B3GNT2: variants seen among roughly 807,000 people sequenced by gnomAD.
B3GNT2 encodes UDP-GlcNAc:betaGal beta-1,3-N-acetylglucosaminyltransferase 2.
B3GNT2 carries 12 observed loss-of-function variants against 27.6 expected under a neutral mutation model. That is an observed-to-expected ratio of 0.44 (90% CI 0.28 to 0.71). B3GNT2 has a LOEUF of 0.71. Among genes scored for constraint, B3GNT2 ranks in the 30% least tolerant of loss-of-function variants. The probability of loss-of-function intolerance (pLI) is 0.17; values close to 1 mark genes in which losing one functional copy is unlikely to be tolerated. For synonymous variants in B3GNT2, 192 were observed against 189.7 expected, an observed-to-expected ratio of 1.01 and a Z score of -0.10; for missense variants, 413 against 488.5, an observed-to-expected ratio of 0.85 and a Z score of 1.46.
chr2:62,206,835 C>G (rs945171931), intron 1 of B3GNT2, among the ~76,000 whole-genome samples: 1 of 152,234 alleles, frequency 6.6e-6, no homozygotes, highest in Non-Finnish European at 1.5e-5. Flanking sequence ...CCAAGGAGTC[C>G]TGCAGTCTGA....
chr2:62,209,722 T>C (rs934512692), intron 1 of B3GNT2, among the ~76,000 whole-genome samples: 1 of 152,048 alleles, frequency 6.6e-6, no homozygotes, highest in Non-Finnish European at 1.5e-5. Context: ...AGAGCTGGGG[T>C]CTGGACCAGC....
At position 62,223,600 on chromosome 2, in the gene B3GNT2, T is replaced by C. The variant is rs770690918; in HGVS notation, c.*186T>C. The stretch of plus-strand genomic sequence containing the variant: ...AGAGGGAAAGCGGAAGATGGTAATT[T>C]TTTTTTATGGATGATATGGCAGGAT... On this transcript the variant is annotated 3_prime_UTR_variant, in exon 2 of 2. Transcript: ENST00000301998. The C allele has an allele frequency of 2.2e-4, 124 of 573,150 alleles. No homozygotes were observed. The highest frequency in any genetic ancestry group is 3.7e-4 in the Non-Finnish European group (119 of 321,746). 35.5% of individuals were successfully genotyped at this position (573,150 alleles called of 1,614,324 possible). A position where few individuals can be genotyped will look rare whatever the true frequency, so the allele number is the denominator to read the frequency against.
At chr2:62,218,989 C>CA (rs372520340) in intron 1 of B3GNT2, among the ~76,000 whole-genome samples, 306 of 152,330 alleles carry the variant, frequency 2.0e-3, no homozygotes, top group African/African-American at 7.1e-3. Flanking sequence ...GCTTATTCCT[C>CA]AAAGCATCCT....
rs141786073 is a variant in B3GNT2, at chr2:62,210,009, G to T, written c.-9-12203G>T. 4.2e-4 allele frequency among the ~76,000 whole-genome samples: 64 copies of T among 152,206 alleles called. 2 individuals are homozygous for T. In the East Asian group the frequency reaches 0.01, roughly 24 times the overall value. ...GACCCCTGGATACGTTAAACCATTG[G>T]GTGATTCCCGACTGGCCATTTTGTT... On this transcript the variant is annotated intron_variant, in intron 1 of 1. Coordinates refer to ENST00000301998, the MANE Select transcript of B3GNT2 (RefSeq NM_006577.6).
At chr2:62,210,320 A>G (rs1674457001) in intron 1 of B3GNT2, among the ~76,000 whole-genome samples, 1 of 152,190 alleles carries the variant, frequency 6.6e-6, no homozygotes, top group Non-Finnish European at 1.5e-5. Context: ...ATTGCCTCAC[A>G]TTTTTTAGTT....
In B3GNT2 at chr2:62,210,430, G is replaced by A. The variant is rs1163821498; in HGVS notation, c.-9-11782G>A. On this transcript the variant is annotated intron_variant, in intron 1 of 1. Transcript: ENST00000301998. The stretch of plus-strand genomic sequence containing the variant: ...CAGGAAGGAAGCATATGAAAAGATG[G>A]CATCAATTAAAACAGGGAGATGTTC... 1.3e-5 allele frequency among the ~76,000 whole-genome samples: 2 copies of A among 152,138 alleles called. 1 individual carries two copies. Among genetic ancestry groups the A allele is most frequent in the South Asian group, 4.1e-4 (2 of 4,826 alleles).
chr2:62,211,438 C>T (rs1674480714), intron 1 of B3GNT2, among the ~76,000 whole-genome samples: 1 of 151,132 alleles, frequency 6.6e-6, no homozygotes, highest in Non-Finnish European at 1.5e-5. Flanking sequence ...CGACAGAAGA[C>T]AAACCACTCT....
At chr2:62,212,166 C>T (rs1333389985) in intron 1 of B3GNT2, among the ~76,000 whole-genome samples, 1 of 152,084 alleles carries the variant, frequency 6.6e-6, no homozygotes, top group Non-Finnish European at 1.5e-5. Context: ...TGAAGGGGAC[C>T]TTGTAGGAGG....
At chr2:62,211,264 G>A (rs1230816597) in intron 1 of B3GNT2, among the ~76,000 whole-genome samples, 1 of 152,270 alleles carries the variant, frequency 6.6e-6, no homozygotes, top group Non-Finnish European at 1.5e-5. Context: ...TGAAGTGTGG[G>A]GGCATCGATT....
chr2:62,199,698 A>G (rs1239408363), intron 1 of B3GNT2, among the ~76,000 whole-genome samples: 1 of 152,236 alleles, frequency 6.6e-6, no homozygotes, highest in East Asian at 1.9e-4. Flanking sequence ...GAAGTGGTAA[A>G]TGTTTCCTGG....
At chr2:62,211,790 G>C (rs1178515796) in intron 1 of B3GNT2, among the ~76,000 whole-genome samples, 10 of 151,976 alleles carry the variant, frequency 6.6e-5, no homozygotes, top group Non-Finnish European at 1.0e-4. Context: ...CAGACGCTCT[G>C]TGCCGTACCC....
rs1283733563 is a variant in B3GNT2, at chr2:62,223,435, T to G, written c.*21T>G. On this transcript the variant is annotated 3_prime_UTR_variant, in exon 2 of 2. Transcript: ENST00000301998. ...GCTAAAATAGATACAAACTCAATTT[T>G]GCATAGAAAGGTGTATTTTGAATAG... 18 of 1,557,530 alleles carry G rather than the reference T, an allele frequency of 1.2e-5. No homozygotes were observed. The highest frequency in any genetic ancestry group is 1.2e-5 in the Non-Finnish European group (14 of 1,141,288).
intron 1 of B3GNT2, among the ~76,000 whole-genome samples, chr2:62,196,631 G>A (rs1674148250): frequency 1.3e-5 from 2 of 152,210 alleles, no homozygotes; most frequent in African/African-American, 2.4e-5. Context: ...GAGGGACACC[G>A]CCCGCTGCGG....
intron 1 of B3GNT2, among the ~76,000 whole-genome samples, chr2:62,217,204 C>A (rs1294511646): frequency 6.6e-6 from 1 of 152,224 alleles, no homozygotes; most frequent in Non-Finnish European, 1.5e-5. Context: ...AAATTAGACA[C>A]AAATCCCTTC....
chr2:62,204,361 T>C (rs1426811471), intron 1 of B3GNT2, among the ~76,000 whole-genome samples: 1 of 152,238 alleles, frequency 6.6e-6, no homozygotes, highest in Non-Finnish European at 1.5e-5. Flanking sequence ...TTCTCCAAAG[T>C]ACTTCTTTTT....
At chr2:62,216,074 C>T (rs1674567817) in intron 1 of B3GNT2, among the ~76,000 whole-genome samples, 1 of 152,178 alleles carries the variant, frequency 6.6e-6, no homozygotes, top group African/African-American at 2.4e-5. Flanking sequence ...GAGTCAGACC[C>T]TGCCTGAGTT....
At chr2:62,199,196 C>A (rs1327944836) in intron 1 of B3GNT2, among the ~76,000 whole-genome samples, 1 of 152,200 alleles carries the variant, frequency 6.6e-6, no homozygotes, top group African/African-American at 2.4e-5. Flanking sequence ...GCCTAGGCCT[C>A]CCAAAGTGCT....
At chr2:62,199,160 C>T (rs1674213709) in intron 1 of B3GNT2, among the ~76,000 whole-genome samples, 1 of 152,102 alleles carries the variant, frequency 6.6e-6, no homozygotes, top group South Asian at 2.1e-4. Flanking sequence ...AGGCTGGTCT[C>T]GAACTCCTGA....
chr2:62,212,490 C>T lies in B3GNT2; in HGVS notation c.-9-9722C>T, dbSNP rs573279738. On this transcript the variant is annotated intron_variant, in intron 1 of 1. Coordinates refer to ENST00000301998, the MANE Select transcript of B3GNT2 (RefSeq NM_006577.6). ...AGGGTATACATTGACGTGGTAAGCTCCTATGGAGGGAGGCCTCTTCACTCT... is the reference window on the plus strand; with the variant it reads ...AGGGTATACATTGACGTGGTAAGCTTCTATGGAGGGAGGCCTCTTCACTCT... 4.7e-4 allele frequency among the ~76,000 whole-genome samples: 71 copies of T among 152,020 alleles called. No individual in the cohort carries two copies. In the South Asian group the frequency reaches 0.014, roughly 30 times the overall value.
Sources: allele counts gnomAD v4.1 joint callset (sites outside exome capture counted in the v4.1 genomes callset), GRCh38; gene constraint gnomAD v4.1.1; transcripts MANE v1.5; gene names NCBI Gene and HGNC (gene_info 2026-07-23, HGNC 2026-07-21).